CELF2: variants seen among roughly 807,000 people sequenced by gnomAD.
CELF2 encodes CUGBP Elav-like family member 2, also known as CUG triplet repeat RNA-binding protein 2.
Under a neutral mutation model 62.6 loss-of-function variants are expected in CELF2, and 8 were observed. The ratio of observed to expected loss-of-function variants is 0.13; its 90% CI spans 0.07 to 0.23. The LOEUF (loss-of-function observed/expected upper bound fraction) is 0.23. Ranked by LOEUF, CELF2 falls within the 10% of genes least tolerant of loss-of-function variation. CELF2 has a pLI of 1.00. For synonymous variants in CELF2, 258 were observed against 250.0 expected (o/e 1.03, Z -0.30); for missense variants, 333 against 671.0 (o/e 0.50, Z 5.56).
the CELF2 span, among the ~76,000 whole-genome samples, chr10:10,509,072 G>T: frequency 6.6e-5 from 10 of 152,150 alleles, no homozygotes; most frequent in Admixed American, 1.3e-4. Context: ...CTTTTATTGA[G>T]AAATGTGTAA....
chr10:10,486,657 TC>T, the CELF2 span, among the ~76,000 whole-genome samples: 1,233 of 152,286 alleles, frequency 8.1e-3, 14 homozygotes, highest in African/African-American at 0.028. Flanking sequence ...AATGGGCATT[TC>T]CTTTGAGCGT....
At chr10:11,079,238 T>A (rs1279653178) in intron 1 of CELF2, among the ~76,000 whole-genome samples, 4 of 152,198 alleles carry the variant, frequency 2.6e-5, no homozygotes, top group Non-Finnish European at 5.9e-5. Flanking sequence ...TGTACTTACC[T>A]GAACTAAAGT....
Position 10,931,514 on chromosome 10 carries a change from T to C in CELF2, c.89+11515T>C, listed in dbSNP as rs931227060. Among the ~76,000 whole-genome samples, 3 of 152,140 alleles carry C rather than the reference T, an allele frequency of 2.0e-5. No individual in the cohort carries two copies. The highest frequency in any genetic ancestry group is 1.3e-4 in the Admixed American group (2 of 15,272). On this transcript the variant is annotated intron_variant, in intron 2 of 13. Coordinates refer to the CELF2 transcript ENST00000636488. The surrounding 1 kb of genome is among the most constrained non-coding windows in gnomAD (Gnocchi z 6.1). The stretch of plus-strand genomic sequence containing the variant: ...CATTTGAGACCCTCCCTCACCCAGA[T>C]CCCAACCTGTGGAACTCAGGCTAGC...
chr10:10,702,868 G>A, the CELF2 span, among the ~76,000 whole-genome samples: 1 of 152,262 alleles, frequency 6.6e-6, no homozygotes, highest in Non-Finnish European at 1.5e-5. Context: ...ACAGGCATAA[G>A]CCATCGTGCC....
rs972963678 is a variant in CELF2 at position 11,224,774 on chromosome 10, G to A, written c.354+7267G>A. Among the ~76,000 whole-genome samples the A allele has an allele frequency of 9.2e-5, 14 of 152,142 alleles. No homozygotes were observed. The highest frequency in any genetic ancestry group is 2.9e-4 in the African/African-American group (12 of 41,420). ...GATGATGTCCAGGTGAAGTGCGCTC[G>A]TGAGTTCGGAGCCTGGAGCTTTAGG... On this transcript the variant is annotated intron_variant, in intron 3 of 12. Transcript: ENST00000633077. The surrounding 1 kb of genome is among the most constrained non-coding windows in gnomAD (Gnocchi z 4.5).
intron 1 of CELF2, among the ~76,000 whole-genome samples, chr10:11,040,351 A>G (rs2061618375): frequency 6.6e-6 from 1 of 152,272 alleles, no homozygotes; most frequent in Admixed American, 6.5e-5. Flanking sequence ...AGTGTTTAAT[A>G]AGTTCCTAAT....
chr10:11,099,881 C>CAA (rs1554835241), intron 1 of CELF2, among the ~76,000 whole-genome samples: 462 of 133,608 alleles, frequency 3.5e-3, no homozygotes, highest in East Asian at 8.9e-3. Flanking sequence ...ACAACAACAA[C>CAA]AACAAAAAAA....
At chr10:10,854,439 A>C (rs2059583196) in intron 1 of CELF2, among the ~76,000 whole-genome samples, 1 of 152,224 alleles carries the variant, frequency 6.6e-6, no homozygotes, top group Non-Finnish European at 1.5e-5. Context: ...TCTCGAAGTG[A>C]GTTTATAGGC....
intron 1 of CELF2, among the ~76,000 whole-genome samples, chr10:11,085,677 G>C (rs999060000): frequency 6.6e-6 from 1 of 152,152 alleles, no homozygotes; most frequent in African/African-American, 2.4e-5. Context: ...GTCTGGTTCA[G>C]GGCCTGCATC....
At chr10:10,636,789 T>G in the CELF2 span, among the ~76,000 whole-genome samples, 7 of 152,146 alleles carry the variant, frequency 4.6e-5, no homozygotes, top group East Asian at 1.3e-3. Context: ...GAAGATGATC[T>G]GTAAGAGAGA....
chr10:10,696,112 T>C, the CELF2 span, among the ~76,000 whole-genome samples: 3 of 152,264 alleles, frequency 2.0e-5, no homozygotes, highest in East Asian at 5.8e-4. Flanking sequence ...GTTTTTCTGT[T>C]CTGTTTTTTC....
chr10:10,759,750 C>T, the CELF2 span, among the ~76,000 whole-genome samples: 3 of 152,234 alleles, frequency 2.0e-5, no homozygotes, highest in East Asian at 1.9e-4. Flanking sequence ...TTCTCATCTT[C>T]CTCTCCCTGC....
intron 1 of CELF2, among the ~76,000 whole-genome samples, chr10:10,814,386 A>G (rs1175335732): frequency 1.3e-5 from 2 of 152,102 alleles, no homozygotes; most frequent in African/African-American, 4.8e-5. Context: ...CTTCATCGCC[A>G]CAAAATCTAA....
intron 1 of CELF2, among the ~76,000 whole-genome samples, chr10:10,829,693 A>G (rs1357539259): frequency 8.5e-5 from 13 of 152,136 alleles, no homozygotes; most frequent in Non-Finnish European, 1.3e-4. Context: ...AAGCTTTAGC[A>G]TGTTCTTCTG....
rs1392804857 is a variant in CELF2 at position 11,157,215 on chromosome 10, C to T, written c.75-8271C>T. Among the ~76,000 whole-genome samples the T allele has an allele frequency of 6.6e-6, 1 of 152,164 alleles. No homozygotes were observed. The highest frequency in any genetic ancestry group is 1.5e-5 in the Non-Finnish European group (1 of 68,032). On this transcript the variant is annotated intron_variant, in intron 1 of 12. Transcript: ENST00000633077. The surrounding 1 kb of genome is among the most constrained non-coding windows in gnomAD (Gnocchi z 4.9). ...TCTTTGCTGGTACTTCCGTGCCTCT[C>T]ACACATGCATGGTTGTAGAGGAGCT...
rs751285204 is a variant in CELF2, at chr10:11,018,075, C to G, written c.-15C>G. 1 of 1,450,222 alleles carries G rather than the reference C, an allele frequency of 6.9e-7. No individual in the cohort carries two copies. The highest frequency in any genetic ancestry group is 9.2e-7 in the Non-Finnish European group (1 of 1,087,250). 89.8% of individuals were successfully genotyped at this position (1,450,222 alleles called of 1,614,324 possible). On this transcript the variant is annotated 5_prime_UTR_variant, in exon 1 of 13. Coordinates refer to ENST00000633077, the MANE Select transcript of CELF2 (RefSeq NM_001326342.2). ...GAGCCGCCCCCCGCCGCTGCCGCCGCGTGCGCCCGCGAACATGACTTCTGC... is the reference window on the plus strand; with the variant it reads ...GAGCCGCCCCCCGCCGCTGCCGCCGGGTGCGCCCGCGAACATGACTTCTGC...
intron 1 of CELF2, among the ~76,000 whole-genome samples, chr10:11,135,647 G>C (rs537815236): frequency 3.9e-5 from 6 of 152,340 alleles, no homozygotes; most frequent in African/African-American, 1.4e-4. Context: ...GAGTCCTAGA[G>C]TCAGGGGTAC....
At chr10:11,023,428 T>G (rs2058661361) in intron 1 of CELF2, among the ~76,000 whole-genome samples, 1 of 152,216 alleles carries the variant, frequency 6.6e-6, no homozygotes, top group African/African-American at 2.4e-5. Flanking sequence ...AAACAAAAAC[T>G]AATTAGAGCA....
chr10:10,801,788 T>G (rs139725611), intron 1 of CELF2, among the ~76,000 whole-genome samples: 125 of 152,318 alleles, frequency 8.2e-4, no homozygotes, highest in African/African-American at 2.8e-3. Flanking sequence ...TCCTAAAAAG[T>G]CATCAAAAGG....
Sources: allele counts gnomAD v4.1 joint callset (sites outside exome capture counted in the v4.1 genomes callset), GRCh38; gene constraint gnomAD v4.1.1; non-coding constraint Gnocchi (gnomAD v3.1); transcripts MANE v1.5; gene names NCBI Gene and HGNC (gene_info 2026-07-23, HGNC 2026-07-21).